LAMC1: variants seen among roughly 807,000 people sequenced by gnomAD.
The protein encoded by LAMC1 is laminin subunit gamma-1.
Under a neutral mutation model 173.6 loss-of-function variants are expected in LAMC1, and 38 were observed. That is an observed-to-expected ratio of 0.22 (90% CI 0.17 to 0.29). The LOEUF (loss-of-function observed/expected upper bound fraction) is 0.29, where lower values mean the gene tolerates loss of function less well. Ranked by LOEUF, LAMC1 falls within the 10% of genes least tolerant of loss-of-function variation. LAMC1 has a pLI of 1.00. For missense variants in LAMC1, 1,824 were observed against 2,051.8 expected (o/e 0.89, Z 2.14); for synonymous variants, 746 against 749.1 (o/e 1.00, Z 0.07).
At chr1:183,094,173 C>G (rs569947438) in intron 1 of LAMC1, among the ~76,000 whole-genome samples, 1 of 152,328 alleles carries the variant, frequency 6.6e-6, no homozygotes, top group South Asian at 2.1e-4. Flanking sequence ...CCTCACCACT[C>G]CCTGGAACTT....
At position 183,130,529 on chromosome 1, in the gene LAMC1, A is replaced by G; in HGVS notation, c.3466A>G (p.Lys1156Glu). Residue 1156 changes from lysine to glutamate, a missense_variant, in exon 19 of 28, where the codon AAA becomes GAA. Lys to Glu is a moderately conservative substitution (Grantham distance 56, BLOSUM62 1). Coordinates refer to ENST00000258341, the MANE Select transcript of LAMC1 (RefSeq NM_002293.4). ...EIASRELEKA[K>E]VAAANVSVTQ... is the part of the protein sequence containing the mutation. Reference sequence around the variant, plus strand: ...CGCATCCAGAGAACTTGAGAAAGCAAAAGTCGCTGCTGCCAATGTGGTAAG... The same window carrying G: ...CGCATCCAGAGAACTTGAGAAAGCAGAAGTCGCTGCTGCCAATGTGGTAAG... 1 of 1,614,222 alleles carries G rather than the reference A, an allele frequency of 6.2e-7. No homozygotes were observed. The highest frequency in any genetic ancestry group is 8.5e-7 in the Non-Finnish European group (1 of 1,180,042).
chr1:183,115,812 T>G (rs1023828281), intron 6 of LAMC1, among the ~76,000 whole-genome samples, 175 bp downstream of exon 6: 3 of 151,926 alleles, frequency 2.0e-5, no homozygotes, highest in African/African-American at 7.3e-5. Flanking sequence ...GTACAGAGAG[T>G]AAGCAGAGTT....
intron 2 of LAMC1, among the ~76,000 whole-genome samples, chr1:183,105,054 C>CAAA (rs71573297): frequency 3.2e-5 from 4 of 125,496 alleles, no homozygotes; most frequent in South Asian, 2.5e-4. Context: ...ACTAAAAATA[C>CAAA]AAAAAAAAAA....
chr1:183,030,284 T>C (rs1453409750), intron 1 of LAMC1, among the ~76,000 whole-genome samples: 1 of 152,222 alleles, frequency 6.6e-6, no homozygotes, highest in Non-Finnish European at 1.5e-5. Context: ...CACAGGTTTG[T>C]TGACCTCTGT....
intron 6 of LAMC1, among the ~76,000 whole-genome samples, chr1:183,116,245 G>A (rs1252674402): frequency 2.0e-5 from 3 of 152,132 alleles, no homozygotes; most frequent in South Asian, 2.1e-4. Context: ...TTGGGAAGCC[G>A]AGGCAGGCGG....
At chr1:183,042,255 A>T (rs1274940120) in intron 1 of LAMC1, among the ~76,000 whole-genome samples, 1 of 152,116 alleles carries the variant, frequency 6.6e-6, no homozygotes, top group Admixed American at 6.6e-5. Flanking sequence ...TGCCTGGTTG[A>T]GGCTGGGTGA....
Position 183,103,497 on chromosome 1 carries a change from A to C in LAMC1, c.588A>C (p.Thr196=). The change falls in exon 2 of 28, where the codon ACA becomes ACC. Residue 196 remains threonine, a synonymous_variant. Coordinates refer to ENST00000258341, the MANE Select transcript of LAMC1 (RefSeq NM_002293.4). ...YSKANRGFIR[T]GGDEQQALCT... ...AGGCAAACCGCGGCTTCATCAGGACAGGAGGGGACGAGCAGCAGGCCTTGT... is the reference window on the plus strand; with the variant it reads ...AGGCAAACCGCGGCTTCATCAGGACCGGAGGGGACGAGCAGCAGGCCTTGT... 1 of 1,614,240 alleles carries C rather than the reference A, an allele frequency of 6.2e-7. No individual in the cohort carries two copies. Among genetic ancestry groups the C allele is most frequent in the Non-Finnish European group, 8.5e-7 (1 of 1,180,046 alleles).
intron 27 of LAMC1, chr1:183,141,152 C>T (rs1375287532): frequency 1.3e-5 from 2 of 151,952 alleles, no homozygotes; most frequent in African/African-American, 2.4e-5. Flanking sequence ...CTCGTCTCTT[C>T]AAATTATTTT....
Position 183,117,058 on chromosome 1 carries a change from TTTAATGAAAA to T in LAMC1, c.1564+157_1564+166del, listed in dbSNP as rs1656343252. The stretch of plus-strand genomic sequence containing the variant: ...TAGTTTTTGTAGTTTGGCCTTTTAA[TTTAATGAAAA>T]TGTACTTTTGGCTTTAGAATTTATC... On this transcript the variant is annotated intron_variant, in intron 8 of 27. Transcript: ENST00000258341. 6.3e-6 allele frequency: 5 copies of T among 794,178 alleles called. No homozygotes were observed. The East Asian group carries it at 1.4e-4, about 22-fold the overall frequency. 49.2% of individuals were successfully genotyped at this position (794,178 alleles called of 1,614,324 possible). A position where few individuals can be genotyped will look rare whatever the true frequency, so the allele number is the denominator to read the frequency against.
chr1:183,063,890 G>A (rs531869067), intron 1 of LAMC1, among the ~76,000 whole-genome samples: 2 of 151,882 alleles, frequency 1.3e-5, no homozygotes, highest in Non-Finnish European at 2.9e-5. Flanking sequence ...TAATTGATAC[G>A]GATCCCTCCA....
At chr1:183,084,006 T>C (rs1308620180) in intron 1 of LAMC1, among the ~76,000 whole-genome samples, 2 of 152,242 alleles carry the variant, frequency 1.3e-5, no homozygotes, top group Non-Finnish European at 2.9e-5. Flanking sequence ...CTGGTTTATA[T>C]GTGGGATCTT....
At position 183,024,153 on chromosome 1, in the gene LAMC1, G is replaced by T; in HGVS notation, c.418+19G>T. The T allele has an allele frequency of 6.5e-7, 1 of 1,531,632 alleles. No homozygotes were observed. Among genetic ancestry groups the T allele is most frequent in the Non-Finnish European group, 8.8e-7 (1 of 1,135,276 alleles). 94.9% of individuals were successfully genotyped at this position (1,531,632 alleles called of 1,614,324 possible). Reference sequence around the variant, plus strand: ...CACCTGGGTAAGCGGTGACAGCCCCGTCCCCTGCTACTGCTCGCCAGCAGC... The same window carrying T: ...CACCTGGGTAAGCGGTGACAGCCCCTTCCCCTGCTACTGCTCGCCAGCAGC... On this transcript the variant is annotated intron_variant, in intron 1 of 27. Transcript: ENST00000258341.
At chr1:183,060,425 C>G (rs1403578871) in intron 1 of LAMC1, among the ~76,000 whole-genome samples, 1 of 151,910 alleles carries the variant, frequency 6.6e-6, no homozygotes, top group East Asian at 1.9e-4. Context: ...ACCCCTTTAC[C>G]CTGTCCCTCT....
intron 1 of LAMC1, among the ~76,000 whole-genome samples, chr1:183,030,874 ACTT>A (rs1258002923): frequency 6.6e-6 from 1 of 152,162 alleles, no homozygotes; most frequent in Non-Finnish European, 1.5e-5. Flanking sequence ...AGTTTCAGCT[ACTT>A]GGGAGGCTGA....
intron 1 of LAMC1, among the ~76,000 whole-genome samples, chr1:183,032,674 C>T (rs1036521440): frequency 2.6e-5 from 4 of 152,192 alleles, no homozygotes; most frequent in South Asian, 2.1e-4. Context: ...AGGCATGAGT[C>T]ACCATGCCTG....
chr1:183,078,457 C>T (rs1000887466), intron 1 of LAMC1, among the ~76,000 whole-genome samples: 2 of 151,856 alleles, frequency 1.3e-5, no homozygotes, highest in African/African-American at 4.8e-5. Context: ...TGGTGGGCGC[C>T]TGTAGTCCCA....
chr1:183,129,251 G>C (rs76164680), intron 18 of LAMC1, among the ~76,000 whole-genome samples: 22 of 111,876 alleles, frequency 2.0e-4, no homozygotes, highest in Non-Finnish European at 4.2e-4. Context: ...CATGCCCGGG[G>C]TAATTTTTTT....
chr1:183,135,045 G>T lies in LAMC1; in HGVS notation c.4003G>T (p.Ala1335Ser), dbSNP rs148961869. The change falls in exon 24 of 28, where the codon GCA (alanine) becomes TCA (serine). Residue 1335 changes from alanine (A) to serine (S), a missense_variant. By Grantham distance (99) the Ala-to-Ser change is moderately conservative. Transcript: ENST00000258341. ...CTCATCTGCCATGTGTTTGCAGACC[G>T]CAGACCAACTCCTAGCCCGAGCTGA... The part of the protein sequence containing the change: ...LEKGKTEQQT[A>S]DQLLARADAA... The T allele has an allele frequency of 8.7e-6, 14 of 1,612,476 alleles. No homozygotes were observed. In the Middle Eastern group the frequency reaches 4.9e-4, roughly 57 times the overall value.
At chr1:183,080,497 C>T (rs1021538765) in intron 1 of LAMC1, among the ~76,000 whole-genome samples, 7 of 152,104 alleles carry the variant, frequency 4.6e-5, no homozygotes, top group Admixed American at 3.9e-4. Context: ...GCGGATCAGC[C>T]CCACTTTTGT....
Sources: gnomAD v4.1 joint callset for allele counts (sites outside exome capture counted in the v4.1 genomes callset) on GRCh38, gnomAD v4.1.1 for gene constraint, MANE v1.5 for transcripts, NCBI Gene and HGNC (gene_info 2026-07-23, HGNC 2026-07-21) for gene names.